The following UTRN variants were observed in gnomAD, a reference collection of about 807,000 sequenced individuals.
The protein encoded by UTRN is dystrophin-related protein 1.
Under a neutral mutation model 463.9 loss-of-function variants are expected in UTRN, and 283 were observed. The ratio of observed to expected loss-of-function variants is 0.61; its 90% CI spans 0.55 to 0.67. The LOEUF is 0.67. Among genes scored for constraint, UTRN ranks in the 30% least tolerant of loss-of-function variants. UTRN has a pLI of 0.00. For missense variants in UTRN, 3,922 were observed against 4,084.3 expected (o/e 0.96, Z 1.08); for synonymous variants, 1,442 against 1,431.5 (o/e 1.01, Z -0.17).
chr6:144,482,268 C>A lies in UTRN; in HGVS notation c.3567C>A (p.Ile1189=). The A allele has an allele frequency of 6.2e-7, 1 of 1,608,378 alleles. No individual in the cohort carries two copies. Among genetic ancestry groups the A allele is most frequent in the Non-Finnish European group, 8.5e-7 (1 of 1,178,312 alleles). The change falls in exon 27 of 75, where the codon ATC becomes ATA. Residue 1189 remains isoleucine (I), a synonymous_variant. Transcript: ENST00000367545. ...GAGTGAAGATTCTCAAGGACAACAT[C>A]AAGTTATTAGCTGCCAAGGTGCCCT... ...EVRVKILKDN[I]KLLAAKVPSG...
intron 65 of UTRN, among the ~76,000 whole-genome samples, chr6:144,811,209 A>T (rs1778580976): frequency 6.6e-6 from 1 of 152,134 alleles, no homozygotes; most frequent in Non-Finnish European, 1.5e-5. Flanking sequence ...AGTTGTTTTG[A>T]TCAATCCTTT....
chr6:144,667,697 G>T (rs967606548), intron 51 of UTRN, among the ~76,000 whole-genome samples: 3 of 152,148 alleles, frequency 2.0e-5, no homozygotes, highest in Non-Finnish European at 4.4e-5. Flanking sequence ...AGTTGTATCA[G>T]GAGATGACAC....
At chr6:144,743,712 A>G (rs1790359896) in intron 54 of UTRN, among the ~76,000 whole-genome samples, 1 of 152,220 alleles carries the variant, frequency 6.6e-6, no homozygotes, top group South Asian at 2.1e-4. Flanking sequence ...CTTCTTCCTC[A>G]TGGTATAAAG....
chr6:144,449,365 T>C (rs1480015627), intron 17 of UTRN, among the ~76,000 whole-genome samples: 1 of 152,198 alleles, frequency 6.6e-6, no homozygotes, highest in Non-Finnish European at 1.5e-5. Flanking sequence ...TCTCTTCCCC[T>C]GGTGCTGCTG....
chr6:144,463,631 T>TC (rs5880592), intron 23 of UTRN, among the ~76,000 whole-genome samples: 7 of 151,116 alleles, frequency 4.6e-5, no homozygotes, highest in African/African-American at 1.5e-4. Flanking sequence ...TTTTTTTTTT[T>TC]CCCCATCAGT....
intron 69 of UTRN, among the ~76,000 whole-genome samples, chr6:144,830,869 G>T (rs1780617247): frequency 6.6e-6 from 1 of 152,126 alleles, no homozygotes; most frequent in Non-Finnish European, 1.5e-5. Flanking sequence ...TCTCTGTCAG[G>T]TGGTGTACAA....
chr6:144,654,631 C>T (rs1271993642), intron 51 of UTRN, among the ~76,000 whole-genome samples: 1 of 152,134 alleles, frequency 6.6e-6, no homozygotes, highest in Non-Finnish European at 1.5e-5. Context: ...TTCCCAGAGC[C>T]CTGTGGATTT....
chr6:144,573,739 A>T (rs1801171503), intron 50 of UTRN, among the ~76,000 whole-genome samples: 1 of 151,740 alleles, frequency 6.6e-6, no homozygotes, highest in Admixed American at 6.6e-5. Flanking sequence ...TATTATGGAA[A>T]GATTGTCATT....
intron 9 of UTRN, among the ~76,000 whole-genome samples, chr6:144,431,325 CA>C (rs1785819163): frequency 6.6e-6 from 1 of 152,182 alleles, no homozygotes; most frequent in African/African-American, 2.4e-5. Context: ...ATAAGAACTT[CA>C]GAAAACATTT....
intron 2 of UTRN, among the ~76,000 whole-genome samples, chr6:144,371,829 G>A (rs1003591268): frequency 6.6e-6 from 1 of 152,194 alleles, no homozygotes; most frequent in Non-Finnish European, 1.5e-5. Flanking sequence ...CAGAGAGTGG[G>A]TGCGTAGGGC....
intron 27 of UTRN, among the ~76,000 whole-genome samples, chr6:144,483,905 A>G (rs1175570792): frequency 6.6e-6 from 1 of 152,216 alleles, no homozygotes; most frequent in Admixed American, 6.5e-5. Context: ...TAAAATATTT[A>G]CTGGCTGGCC....
chr6:144,487,607 C>T lies in UTRN; in HGVS notation c.3882C>T (p.Gly1294=), dbSNP rs1474992503. 3.1e-6 allele frequency: 5 copies of T among 1,613,448 alleles called. No individual in the cohort carries two copies. Among genetic ancestry groups the T allele is most frequent in the Admixed American group, 1.7e-5 (1 of 59,954 alleles). The part of the protein sequence containing the change: ...ADNRTQIREL[G]QTLIDGGILD... ...ATCGCACCCAGATTCGAGAGCTTGG[C>T]CAGACTCTGATTGATGGGGGGATCC... is the stretch of plus-strand genomic sequence containing the variant. The change falls in exon 29 of 75, where the codon GGC becomes GGT. Residue 1294 remains glycine (G), a synonymous_variant. Coordinates refer to ENST00000367545, the MANE Select transcript of UTRN (RefSeq NM_007124.3).
chr6:144,576,867 GATTTT>G (rs1170791199), intron 50 of UTRN, among the ~76,000 whole-genome samples: 1 of 152,132 alleles, frequency 6.6e-6, no homozygotes, highest in Non-Finnish European at 1.5e-5. Context: ...ATATGGATGT[GATTTT>G]AATATTTTTA....
At chr6:144,648,316 G>A (rs1288836013) in intron 51 of UTRN, among the ~76,000 whole-genome samples, 1 of 152,082 alleles carries the variant, frequency 6.6e-6, no homozygotes, top group Admixed American at 6.5e-5. Flanking sequence ...TCCATTTCTT[G>A]TTTGGTTGGG....
chr6:144,812,938 G>C (rs960139149), intron 65 of UTRN, among the ~76,000 whole-genome samples: 2 of 152,234 alleles, frequency 1.3e-5, no homozygotes, highest in Non-Finnish European at 2.9e-5. Context: ...GTACAGTGGA[G>C]TAAAGCACAT....
At chr6:144,547,323 T>C (rs940060190) in intron 46 of UTRN, among the ~76,000 whole-genome samples, 1 of 152,244 alleles carries the variant, frequency 6.6e-6, no homozygotes, top group African/African-American at 2.4e-5. Flanking sequence ...CTTTCATCTT[T>C]CAAAGGCTTT....
intron 26 of UTRN, among the ~76,000 whole-genome samples, chr6:144,481,895 T>C (rs902690156): frequency 6.6e-6 from 1 of 152,136 alleles, no homozygotes; most frequent in African/African-American, 2.4e-5. Context: ...TCATCTCGAC[T>C]AAAAAATATG....
chr6:144,794,122 G>A (rs1777008380), intron 63 of UTRN, 131 bp downstream of exon 63: 4 of 1,278,640 alleles, frequency 3.1e-6, no homozygotes, highest in African/African-American at 3.0e-5. Flanking sequence ...AACAAGTGGT[G>A]TATTTTATTT....
intron 53 of UTRN, among the ~76,000 whole-genome samples, chr6:144,724,032 A>T: frequency 6.7e-6 from 1 of 149,864 alleles, no homozygotes; most frequent in South Asian, 2.1e-4. Flanking sequence ...AAAAAAAAGA[A>T]AGAAAAAAAA....
Sources: gnomAD v4.1 joint callset for allele counts (sites outside exome capture counted in the v4.1 genomes callset) on GRCh38, gnomAD v4.1.1 for gene constraint, MANE v1.5 for transcripts, NCBI Gene and HGNC (gene_info 2026-07-23, HGNC 2026-07-21) for gene names.